The following EML5 variants were observed in gnomAD, a reference collection of about 807,000 sequenced individuals.
EML5 encodes EMAP like 5, also known as echinoderm microtubule-associated protein-like 5.
Under a neutral mutation model 250.0 loss-of-function variants are expected in EML5, and 120 were observed. The ratio of observed to expected loss-of-function variants is 0.48; its 90% confidence interval spans 0.41 to 0.56. The LOEUF is 0.56. Among genes scored for constraint, EML5 ranks in the 20% least tolerant of loss-of-function variants. EML5 has a pLI of 0.00. For synonymous variants in EML5, 771 were observed against 806.5 expected (o/e 0.96, Z 0.75); for missense variants, 2,006 against 2,437.6 (o/e 0.82, Z 3.73).
intron 10 of EML5, among the ~76,000 whole-genome samples, chr14:88,708,538 T>C (rs1041632363): frequency 6.6e-6 from 1 of 152,152 alleles, no homozygotes; most frequent in Non-Finnish European, 1.5e-5. Context: ...TTTGCTCTGC[T>C]TGGACTTTTG....
In EML5 at chr14:88,792,194, C is replaced by A. The variant is rs1426321916; in HGVS notation, c.197+113G>T. ...GGGACCAGAGAGACAGCTGCGGATTCCCCTCGGGGTGATGCTCCGTGCAGG... is the reference window on the plus strand; with the variant it reads ...GGGACCAGAGAGACAGCTGCGGATTACCCTCGGGGTGATGCTCCGTGCAGG... On this transcript the variant is annotated intron_variant, in intron 1 of 43. Transcript: ENST00000554922. This position sits in a 1 kb window ranked among gnomAD's most constrained non-coding sequence, Gnocchi z 6.9. 6 of 1,284,608 alleles carry A rather than the reference C, an allele frequency of 4.7e-6. No homozygotes were observed. In the Admixed American group the frequency reaches 1.6e-4, roughly 33 times the overall value. The allele number at this position is 1,284,608 out of a possible 1,614,324, so 79.6% of individuals were successfully genotyped here.
At chr14:88,787,191 A>G (rs1396426772) in intron 1 of EML5, among the ~76,000 whole-genome samples, 2 of 152,196 alleles carry the variant, frequency 1.3e-5, no homozygotes, top group African/African-American at 4.8e-5. Flanking sequence ...CTTAGGTATT[A>G]TATTCTATAA....
intron 22 of EML5, 27 bp from the exon 23 acceptor site, chr14:88,664,651 A>G (rs1169676853): frequency 3.8e-6 from 6 of 1,592,482 alleles, no homozygotes; most frequent in Non-Finnish European, 5.1e-6. Flanking sequence ...TTTGCTTGAC[A>G]TTTTCTATCT....
At chr14:88,635,494 G>A (rs922719884) in intron 32 of EML5, among the ~76,000 whole-genome samples, 2 of 152,186 alleles carry the variant, frequency 1.3e-5, no homozygotes, top group East Asian at 3.9e-4. Context: ...TGGGACAGAA[G>A]TACAAATGAA....
chr14:88,660,724 A>T (rs2092063807), intron 25 of EML5, among the ~76,000 whole-genome samples: 1 of 151,146 alleles, frequency 6.6e-6, no homozygotes, highest in Non-Finnish European at 1.5e-5. Flanking sequence ...GCCTGGCGAC[A>T]GAGTGAGACT....
chr14:88,699,958 A>G (rs2093169782), intron 14 of EML5, among the ~76,000 whole-genome samples: 1 of 152,078 alleles, frequency 6.6e-6, no homozygotes, highest in Non-Finnish European at 1.5e-5. Context: ...ATCTATATAT[A>G]CACACACACA....
At chr14:88,739,886 T>C (rs942300954) in intron 5 of EML5, among the ~76,000 whole-genome samples, 1 of 152,218 alleles carries the variant, frequency 6.6e-6, no homozygotes, top group African/African-American at 2.4e-5. Flanking sequence ...ACAAAGATCT[T>C]GCTGTTAACA....
At chr14:88,686,670 G>A (rs1414437531) in intron 19 of EML5, among the ~76,000 whole-genome samples, 1 of 152,150 alleles carries the variant, frequency 6.6e-6, no homozygotes, top group African/African-American at 2.4e-5. Context: ...AATTTGCTGA[G>A]TATGGTGGCA....
chr14:88,738,978 AG>A lies in EML5; in HGVS notation c.747del (p.Phe250LeufsTer15). 6.2e-7 allele frequency: 1 copy of A among 1,609,424 alleles called. No individual in the cohort carries two copies. Among genetic ancestry groups the A allele is most frequent in the Non-Finnish European group, 8.5e-7 (1 of 1,178,304 alleles). Reference protein sequence around the residue: ...GIFSMNACEEGFATGGRDGCI... With the variant: ...GIFSMNACEEXFATGGRDGCI... ...CAACCATCTCTGCCACCAGTAGCAAAGCCTTCTTCACAAGCATTCATGCTAA... is the reference window on the plus strand; with the variant it reads ...CAACCATCTCTGCCACCAGTAGCAAACCTTCTTCACAAGCATTCATGCTAA... On this transcript the variant is annotated frameshift_variant, in exon 6 of 44. Transcript: ENST00000554922. LOFTEE classifies it high-confidence loss of function.
At chr14:88,642,568 G>C (rs1595340614) in intron 31 of EML5, among the ~76,000 whole-genome samples, 4 of 152,152 alleles carry the variant, frequency 2.6e-5, no homozygotes, top group Admixed American at 2.6e-4. Context: ...CTCATCATGA[G>C]GTTATGGGAA....
At chr14:88,752,507 T>C (rs1333119784) in intron 2 of EML5, among the ~76,000 whole-genome samples, 1 of 152,216 alleles carries the variant, frequency 6.6e-6, no homozygotes, top group Admixed American at 6.5e-5. Context: ...AACACTGCTA[T>C]ATGGTGATAT....
At chr14:88,735,211 G>A (rs1323135462) in intron 7 of EML5, among the ~76,000 whole-genome samples, 1 of 152,142 alleles carries the variant, frequency 6.6e-6, no homozygotes, top group Non-Finnish European at 1.5e-5. Context: ...TCTGGTATTA[G>A]GTCCTGTAAA....
At chr14:88,721,441 A>G (rs1331884353) in intron 8 of EML5, among the ~76,000 whole-genome samples, 1 of 152,214 alleles carries the variant, frequency 6.6e-6, no homozygotes, top group Admixed American at 6.5e-5. Flanking sequence ...GGAACAGAAT[A>G]GAGAATTCAG....
intron 17 of EML5, among the ~76,000 whole-genome samples, chr14:88,691,485 T>A (rs1451906348): frequency 6.6e-6 from 1 of 152,230 alleles, no homozygotes; most frequent in African/African-American, 2.4e-5. Flanking sequence ...ACACACAGCA[T>A]AACATGTTCC....
At position 88,688,444 on chromosome 14, in the gene EML5, T is replaced by C. The variant is rs930631707; in HGVS notation, c.2569A>G (p.Ile857Val). 5 of 1,613,868 alleles carry C rather than the reference T, an allele frequency of 3.1e-6. No homozygotes were observed. Among genetic ancestry groups the C allele is most frequent in the African/African-American group, 1.3e-5 (1 of 74,940 alleles). ...GGGLIGRKGY[I>V]GTLGKNDTMM... ...GTGTCATTTTTCCCCAGTGTGCCTA[T>C]GTAGCCTTTTCTTCCAATCAATCCT... is the stretch of plus-strand genomic sequence containing the variant. Residue 857 changes from isoleucine to valine, a missense_variant, in exon 18 of 44, where the codon ATA (isoleucine) becomes GTA (valine). Physicochemically the swap from Ile to Val is conservative, Grantham distance 29. Transcript: ENST00000554922.
In EML5 at chr14:88,792,817, G is replaced by T. The variant is rs1231550830; in HGVS notation, c.-314C>A. On this transcript the variant is annotated 5_prime_UTR_variant, in exon 1 of 44. Transcript: ENST00000554922. This position sits in a 1 kb window ranked among gnomAD's most constrained non-coding sequence, Gnocchi z 6.9. ...CGTAGCGCCTGGGCCGAGAGCGAGG[G>T]CCCGCCTCCAGCTCCTCAGCCGCCG... 1 of 905,530 alleles carries T rather than the reference G, an allele frequency of 1.1e-6. No individual in the cohort carries two copies. Among genetic ancestry groups the T allele is most frequent in the Non-Finnish European group, 1.3e-6 (1 of 753,728 alleles). 56.1% of individuals were successfully genotyped at this position (905,530 alleles called of 1,614,324 possible).
At chr14:88,703,814 A>T (rs1298098841) in intron 13 of EML5, among the ~76,000 whole-genome samples, 4 of 152,298 alleles carry the variant, frequency 2.6e-5, no homozygotes, top group East Asian at 1.9e-4. Context: ...ATGCAAGAAG[A>T]AGTCACAATA....
At chr14:88,692,366 G>A (rs1391522220) in intron 17 of EML5, among the ~76,000 whole-genome samples, 9 of 152,116 alleles carry the variant, frequency 5.9e-5, no homozygotes, top group African/African-American at 1.7e-4. Flanking sequence ...AACAGAGCGA[G>A]ACTCTGTTTC....
chr14:88,630,316 C>T (rs2090369563), intron 33 of EML5, among the ~76,000 whole-genome samples: 1 of 152,032 alleles, frequency 6.6e-6, no homozygotes, highest in Non-Finnish European at 1.5e-5. Flanking sequence ...AGGCATGAGC[C>T]ACCATGCCTG....
Sources: allele counts gnomAD v4.1 joint callset (sites outside exome capture counted in the v4.1 genomes callset), GRCh38; gene constraint gnomAD v4.1.1; non-coding constraint Gnocchi (gnomAD v3.1); transcripts MANE v1.5; gene names NCBI Gene and HGNC (gene_info 2026-07-23, HGNC 2026-07-21).